The following SNTG1 variants were observed in gnomAD, a reference collection of about 807,000 sequenced individuals.
The protein encoded by SNTG1 is syntrophin gamma 1, also known as gamma-1-syntrophin.
In SNTG1, 39 loss-of-function variants were observed where a neutral mutation model predicts 74.7. The observed-to-expected ratio is 0.52, with a 90% CI of 0.40 to 0.68. The LOEUF is 0.68. SNTG1 is among the 30% of genes least tolerant of loss of function. The probability of loss-of-function intolerance (pLI) is 0.00; values close to 1 mark genes in which losing one functional copy is unlikely to be tolerated. For missense variants in SNTG1, 685 were observed against 609.5 expected, an observed-to-expected ratio of 1.12 and a Z score of -1.30; for synonymous variants, 254 against 217.1, an observed-to-expected ratio of 1.17 and a Z score of -1.49.
Position 50,536,784 on chromosome 8 carries a change from A to T in SNTG1, c.656A>T (p.Tyr219Phe). The part of the protein sequence containing the change: ...IPLLHSRFSQ[Y>F]VPGTDLSRQN... The stretch of plus-strand genomic sequence containing the variant: ...CTACTTCATTCGCGCTTCTCTCAGT[A>T]TGTGCCCGGCACAGATTTGAGTCGG... Residue 219 changes from tyrosine to phenylalanine, a missense_variant, in exon 11 of 19, where the codon TAT (tyrosine) becomes TTT (phenylalanine). Coordinates refer to ENST00000642720, the MANE Select transcript of SNTG1 (RefSeq NM_018967.5). 1 of 1,614,012 alleles carries T rather than the reference A, an allele frequency of 6.2e-7. No homozygotes were observed.
chr8:50,403,140 C>G (rs918607408), intron 4 of SNTG1, among the ~76,000 whole-genome samples: 1 of 152,176 alleles, frequency 6.6e-6, no homozygotes, highest in East Asian at 1.9e-4. Flanking sequence ...AAATTACAGA[C>G]AGTAGCATGT....
At chr8:50,537,455 T>G (rs1263174386) in intron 11 of SNTG1, among the ~76,000 whole-genome samples, 1 of 152,182 alleles carries the variant, frequency 6.6e-6, no homozygotes, top group Non-Finnish European at 1.5e-5. Context: ...TATTATCTAT[T>G]TTAGTAAGTG....
chr8:50,261,636 G>A (rs949715007), intron 2 of SNTG1, among the ~76,000 whole-genome samples: 1 of 152,052 alleles, frequency 6.6e-6, no homozygotes, highest in Non-Finnish European at 1.5e-5. Context: ...GAAATGGTAA[G>A]GCAAAATTGG....
At position 50,330,176 on chromosome 8, in the gene SNTG1, TAGTG is replaced by T. The variant is rs796986394; in HGVS notation, c.-27-64028_-27-64025del. The stretch of plus-strand genomic sequence containing the variant: ...GGTTACCCTCATGCTGTTCCTGTGA[TAGTG>T]AGTGAGTTCACATGAGATCTGATGT... On this transcript the variant is annotated intron_variant, in intron 2 of 18. Transcript: ENST00000642720. Among the ~76,000 whole-genome samples, 17 of 152,292 alleles carry T rather than the reference TAGTG, an allele frequency of 1.1e-4. 1 individual carries two copies. Among genetic ancestry groups the T allele is most frequent in the African/African-American group, 3.6e-4 (15 of 41,564 alleles).
At chr8:50,125,578 T>A (rs552985792) in intron 1 of SNTG1, among the ~76,000 whole-genome samples, 8 of 142,246 alleles carry the variant, frequency 5.6e-5, no homozygotes, top group Middle Eastern at 3.8e-3. Flanking sequence ...AATTTTTATA[T>A]ACTAAGGCAA....
intron 1 of SNTG1, among the ~76,000 whole-genome samples, chr8:50,140,493 G>A (rs1409902892): frequency 6.6e-6 from 1 of 152,054 alleles, no homozygotes; most frequent in Non-Finnish European, 1.5e-5. Flanking sequence ...GCGAGAATGT[G>A]TGTGTATTTT....
chr8:49,962,586 C>A (rs1446912519), intron 1 of SNTG1, among the ~76,000 whole-genome samples: 1 of 151,808 alleles, frequency 6.6e-6, no homozygotes, highest in Non-Finnish European at 1.5e-5. Flanking sequence ...GCATCCTGCC[C>A]TTCTTCTCCT....
intron 1 of SNTG1, among the ~76,000 whole-genome samples, chr8:50,126,657 A>G (rs74550060): frequency 0.032 from 4,845 of 152,066 alleles, 170 homozygotes; most frequent in South Asian, 0.14. Context: ...TATATTATAT[A>G]TAACACAGAT....
At chr8:50,323,558 G>T (rs918769039) in intron 2 of SNTG1, among the ~76,000 whole-genome samples, 1 of 152,126 alleles carries the variant, frequency 6.6e-6, no homozygotes, top group African/African-American at 2.4e-5. Flanking sequence ...TACTATGTTG[G>T]AGGTCTTGGA....
At chr8:50,598,888 A>G (rs1008778661) in intron 13 of SNTG1, among the ~76,000 whole-genome samples, 5 of 151,990 alleles carry the variant, frequency 3.3e-5, no homozygotes, top group African/African-American at 1.2e-4. Flanking sequence ...TGGTGTAGGG[A>G]AATACTACTA....
At chr8:50,367,981 G>A (rs1250480979) in intron 2 of SNTG1, among the ~76,000 whole-genome samples, 2 of 152,144 alleles carry the variant, frequency 1.3e-5, no homozygotes, top group Non-Finnish European at 1.5e-5. Context: ...ACTAGAAAAA[G>A]CCCGAATTTC....
intron 15 of SNTG1, among the ~76,000 whole-genome samples, chr8:50,665,521 G>T (rs746081601): frequency 6.6e-6 from 1 of 151,944 alleles, no homozygotes; most frequent in African/African-American, 2.4e-5. Context: ...ACTCAGCAAA[G>T]CTCTCCATTT....
At chr8:50,694,804 A>G (rs2095397647) in intron 15 of SNTG1, among the ~76,000 whole-genome samples, 1 of 152,030 alleles carries the variant, frequency 6.6e-6, no homozygotes, top group African/African-American at 2.4e-5. Flanking sequence ...GGGATACGCC[A>G]CATTAATGAA....
chr8:50,462,796 C>CTTTTTTTTTTTTTTTTTTTTTTT (rs869119447), intron 8 of SNTG1, among the ~76,000 whole-genome samples: 4 of 57,474 alleles, frequency 7.0e-5, no homozygotes, highest in African/African-American at 1.2e-4. Context: ...AGGTTCTACT[C>CTTTTTTTTTTTTTTTTTTTTTTT]TTTTTTTTTT....
intron 2 of SNTG1, among the ~76,000 whole-genome samples, chr8:50,214,602 G>GCACT (rs1026540653): frequency 1.3e-5 from 2 of 152,044 alleles, no homozygotes; most frequent in Non-Finnish European, 2.9e-5. Context: ...TACATTTCGT[G>GCACT]CACTCATCTA....
At chr8:49,996,436 C>T (rs1301348897) in intron 1 of SNTG1, among the ~76,000 whole-genome samples, 1 of 152,004 alleles carries the variant, frequency 6.6e-6, no homozygotes, top group African/African-American at 2.4e-5. Context: ...CTTCATTCTC[C>T]ATGTCCTTGC....
rs74888589 is a variant in SNTG1 at position 49,997,969 on chromosome 8, T to C, written c.-103+85738T>C. Among the ~76,000 whole-genome samples the C allele has an allele frequency of 8.0e-3, 1,220 of 152,280 alleles. 18 individuals are homozygous for C. The highest frequency in any genetic ancestry group is 0.028 in the African/African-American group (1,167 of 41,558). ...AATGTGTTGTTAGGCAATTTTGTCATGTGAACATAATAGAGGATACTTATA... is the reference window on the plus strand; with the variant it reads ...AATGTGTTGTTAGGCAATTTTGTCACGTGAACATAATAGAGGATACTTATA... On this transcript the variant is annotated intron_variant, in intron 1 of 18. Transcript: ENST00000642720.
chr8:49,944,606 A>T (rs558073615), intron 1 of SNTG1, among the ~76,000 whole-genome samples: 1 of 147,060 alleles, frequency 6.8e-6, no homozygotes, highest in South Asian at 2.3e-4. Flanking sequence ...GAGGGATAGC[A>T]TTAGGAGATA....
intron 16 of SNTG1, among the ~76,000 whole-genome samples, chr8:50,706,257 C>CA (rs2095443058): frequency 6.6e-6 from 1 of 151,298 alleles, no homozygotes; most frequent in Non-Finnish European, 1.5e-5. Context: ...AACCTCAATT[C>CA]AAAAAAATAG....
Sources: gnomAD v4.1 joint callset for allele counts (sites outside exome capture counted in the v4.1 genomes callset) on GRCh38, gnomAD v4.1.1 for gene constraint, MANE v1.5 for transcripts, NCBI Gene and HGNC (gene_info 2026-07-23, HGNC 2026-07-21) for gene names.